Variants in USH2A observed in about 807,000 individuals in gnomAD.
USH2A encodes the protein usherin, also known as Usher syndrome 2A (autosomal recessive, mild).
A neutral mutation model predicts 538.9 loss-of-function variants in USH2A; 443 were observed. The observed-to-expected ratio is 0.82, with a 90% CI of 0.76 to 0.89. USH2A has a LOEUF of 0.89. Among genes scored for constraint, USH2A ranks in the 40% least tolerant of loss-of-function variants. The probability of loss-of-function intolerance (pLI) is 0.00; values close to 1 mark genes in which losing one functional copy is unlikely to be tolerated. For synonymous variants in USH2A, 2,413 were observed against 2,273.5 expected, an observed-to-expected ratio of 1.06 and a Z score of -1.75; for missense variants, 6,633 against 6,324.8, an observed-to-expected ratio of 1.05 and a Z score of -1.65.
chr1:216,184,942 T>C (rs754400487), intron 20 of USH2A, among the ~76,000 whole-genome samples: 2 of 151,998 alleles, frequency 1.3e-5, no homozygotes, highest in Non-Finnish European at 2.9e-5. Context: ...GGTCAATTTA[T>C]GACAGGCAAG....
intron 67 of USH2A, among the ~76,000 whole-genome samples, chr1:215,646,291 CA>C (rs1260602214): frequency 6.6e-6 from 1 of 151,934 alleles, no homozygotes; most frequent in African/African-American, 2.4e-5. Context: ...AAAGATTTTT[CA>C]GCAAAGGATT....
In USH2A at chr1:216,246,808, G is replaced by T; in HGVS notation, c.2586C>A (p.Asn862Lys). Residue 862 changes from asparagine to lysine, a missense_variant, in exon 13 of 72, where the codon AAC becomes AAA. Asn to Lys is a moderately conservative substitution (Grantham distance 94, BLOSUM62 0). Coordinates refer to ENST00000307340, the MANE Select transcript of USH2A (RefSeq NM_206933.4). ...TGCAAGGACATTGTCCTGTTGATTT[G>T]TTACACAGCAGAGAGCCATTTATTG... ...TGTINGSLLC[N>K]KSTGQCPCKL... 1.2e-6 allele frequency: 2 copies of T among 1,614,148 alleles called. No individual in the cohort carries two copies. Among genetic ancestry groups the T allele is most frequent in the Non-Finnish European group, 1.7e-6 (2 of 1,179,980 alleles).
chr1:215,690,518 T>C (rs146910321), intron 61 of USH2A, among the ~76,000 whole-genome samples: 167 of 152,246 alleles, frequency 1.1e-3, no homozygotes, highest in African/African-American at 3.9e-3. Context: ...GCCCAGAAGC[T>C]TGAGTGTAGC....
intron 61 of USH2A, among the ~76,000 whole-genome samples, chr1:215,717,209 T>C (rs1296779342): frequency 1.3e-5 from 2 of 152,010 alleles, no homozygotes; most frequent in Admixed American, 1.3e-4. Flanking sequence ...CCTAGGAGAG[T>C]CTGAGATTTT....
chr1:215,963,002 C>A (rs766683447), intron 37 of USH2A, among the ~76,000 whole-genome samples: 27 of 152,082 alleles, frequency 1.8e-4, no homozygotes, highest in Non-Finnish European at 3.5e-4. Flanking sequence ...CAGCTGCAGG[C>A]ACTTTTATGT....
intron 37 of USH2A, among the ~76,000 whole-genome samples, chr1:215,943,367 A>G (rs1378871678): frequency 6.6e-6 from 1 of 152,152 alleles, no homozygotes; most frequent in African/African-American, 2.4e-5. Flanking sequence ...AAAGCCAGGA[A>G]CAGAATAGAG....
At chr1:215,914,309 T>C (rs570381857) in intron 38 of USH2A, among the ~76,000 whole-genome samples, 2 of 152,150 alleles carry the variant, frequency 1.3e-5, no homozygotes, top group East Asian at 3.9e-4. Context: ...TTCTTTTTTG[T>C]TGTTTTTCCA....
chr1:216,416,759 G>A (rs2039584205), intron 3 of USH2A, among the ~76,000 whole-genome samples: 1 of 152,098 alleles, frequency 6.6e-6, no homozygotes, highest in Non-Finnish European at 1.5e-5. Flanking sequence ...AGCTTTTAAT[G>A]TACTACTGCC....
At chr1:216,265,947 C>A (rs1278508366) in intron 11 of USH2A, among the ~76,000 whole-genome samples, 1 of 151,958 alleles carries the variant, frequency 6.6e-6, no homozygotes. Flanking sequence ...GATACAAAAT[C>A]ACAGATAGGT....
chr1:215,648,420 G>A lies in USH2A; in HGVS notation c.14582+108C>T, dbSNP rs1656930510. ...AGCAAGTCCTCCCTGGGGAGTGCCAGGTAGCTATACAGGTTTGTAGCCTAG... is the reference window on the plus strand; with the variant it reads ...AGCAAGTCCTCCCTGGGGAGTGCCAAGTAGCTATACAGGTTTGTAGCCTAG... On this transcript the variant is annotated intron_variant, in intron 66 of 71. Coordinates refer to ENST00000307340, the MANE Select transcript of USH2A (RefSeq NM_206933.4). The A allele has an allele frequency of 4.3e-6, 5 of 1,175,944 alleles. No homozygotes were observed. The Admixed American group carries it at 8.4e-5, about 20-fold the overall frequency. 72.8% of individuals were successfully genotyped at this position (1,175,944 alleles called of 1,614,324 possible).
chr1:215,998,787 T>C (rs1032250481), intron 34 of USH2A, 100 bp downstream of exon 34: 2 of 335,786 alleles, frequency 6.0e-6, no homozygotes, highest in Non-Finnish European at 8.8e-6. Context: ...AGATTTTGAC[T>C]TTTTTTTTTT....
intron 21 of USH2A, among the ~76,000 whole-genome samples, chr1:216,157,871 A>G (rs1572008525): frequency 6.6e-6 from 1 of 152,216 alleles, no homozygotes; most frequent in Non-Finnish European, 1.5e-5. Flanking sequence ...TGCGTAATGG[A>G]ACCCATAGCC....
At chr1:216,160,005 T>C (rs1001285705) in intron 21 of USH2A, among the ~76,000 whole-genome samples, 3 of 152,106 alleles carry the variant, frequency 2.0e-5, no homozygotes, top group Non-Finnish European at 2.9e-5. Flanking sequence ...TTTCTAGTAA[T>C]GGCTCTTTGC....
chr1:216,306,702 C>T (rs12029937), intron 9 of USH2A, among the ~76,000 whole-genome samples: 1,915 of 152,308 alleles, frequency 0.013, 85 homozygotes, highest in Admixed American at 0.083. Context: ...ACAGGGTGCT[C>T]CCCAGATGTG....
At chr1:215,820,948 C>G (rs1662996480) in intron 47 of USH2A, among the ~76,000 whole-genome samples, 1 of 151,668 alleles carries the variant, frequency 6.6e-6, no homozygotes, top group Admixed American at 6.6e-5. Flanking sequence ...GAATAAGAGT[C>G]CATTGTGTAT....
intron 47 of USH2A, among the ~76,000 whole-genome samples, chr1:215,834,873 G>GTC (rs934115198): frequency 1.5e-4 from 22 of 143,272 alleles, no homozygotes; most frequent in Middle Eastern, 7.1e-3. Flanking sequence ...TTTTTTCTTT[G>GTC]TCTCTCTCTC....
rs528771555 is a variant in USH2A at position 215,732,731 on chromosome 1, C to T, written c.11712-4347G>A. Among the ~76,000 whole-genome samples the T allele has an allele frequency of 5.9e-5, 9 of 151,360 alleles. No individual in the cohort carries two copies. The South Asian group carries it at 6.3e-4, about 11-fold the overall frequency. On this transcript the variant is annotated intron_variant, in intron 60 of 71. Coordinates refer to ENST00000307340, the MANE Select transcript of USH2A (RefSeq NM_206933.4). ...TAATTTTTTGTATTTTTAATAGAGA[C>T]GGGGTTTCACTGTGTTAGCCAGGAT... is the stretch of plus-strand genomic sequence containing the variant.
At chr1:215,656,886 A>T (rs1657271917) in intron 64 of USH2A, among the ~76,000 whole-genome samples, 1 of 152,248 alleles carries the variant, frequency 6.6e-6, no homozygotes, top group Non-Finnish European at 1.5e-5. Context: ...ATCAGAAATA[A>T]ACAAAAAATC....
At chr1:216,345,603 G>C (rs540273759) in intron 4 of USH2A, among the ~76,000 whole-genome samples, 1 of 152,216 alleles carries the variant, frequency 6.6e-6, no homozygotes, top group South Asian at 2.1e-4. Context: ...TCTGATTAAT[G>C]TGAAAAAGGA....
Sources: gnomAD v4.1 joint callset for allele counts (sites outside exome capture counted in the v4.1 genomes callset) on GRCh38, gnomAD v4.1.1 for gene constraint, MANE v1.5 for transcripts, NCBI Gene and HGNC (gene_info 2026-07-23, HGNC 2026-07-21) for gene names.